RNF19A: variants seen among roughly 807,000 people sequenced by gnomAD.
The protein encoded by RNF19A is ring finger protein 19A, RBR E3 ubiquitin protein ligase, also known as E3 ubiquitin-protein ligase RNF19A.
A neutral mutation model predicts 75.7 loss-of-function variants in RNF19A; 32 were observed. The ratio of observed to expected loss-of-function variants is 0.42; its 90% CI spans 0.32 to 0.57. The LOEUF (loss-of-function observed/expected upper bound fraction) is 0.57. RNF19A is among the 20% of genes least tolerant of loss of function. The pLI is 0.10. For missense variants in RNF19A, 782 were observed against 1,036.3 expected (o/e 0.75, Z 3.37); for synonymous variants, 335 against 345.2 (o/e 0.97, Z 0.33).
intron 1 of RNF19A, among the ~76,000 whole-genome samples, chr8:100,299,732 C>T (rs536605861): frequency 1.3e-5 from 2 of 151,618 alleles, no homozygotes; most frequent in East Asian, 3.9e-4. Flanking sequence ...CACTCCAGCC[C>T]GGGTGACAAG....
chr8:100,258,056 GAA>G lies in RNF19A; in HGVS notation c.*498_*499del. ...TTTATATAACCACATTGCATATGAAGAAAAAAAATGAAATTTATGCCGATATA... is the reference window on the plus strand; with the variant it reads ...TTTATATAACCACATTGCATATGAAGAAAAAATGAAATTTATGCCGATATA... On this transcript the variant is annotated 3_prime_UTR_variant, in exon 10 of 10. Transcript: ENST00000341084. This position sits in a 1 kb window ranked among gnomAD's most constrained non-coding sequence, Gnocchi z 4.3. The G allele has an allele frequency of 5.0e-6, 2 of 398,276 alleles. No individual in the cohort carries two copies. The highest frequency in any genetic ancestry group is 1.3e-3 in the Middle Eastern group (2 of 1,584). 24.7% of individuals were successfully genotyped at this position (398,276 alleles called of 1,614,324 possible).
At chr8:100,321,652 T>C (rs1822467042) in intron 1 of RNF19A, among the ~76,000 whole-genome samples, 1 of 152,238 alleles carries the variant, frequency 6.6e-6, no homozygotes, top group Admixed American at 6.5e-5. Context: ...CCCAGATCCA[T>C]CAGAGGAATC....
chr8:100,297,358 A>C (rs1037640080), intron 1 of RNF19A, among the ~76,000 whole-genome samples: 3 of 152,326 alleles, frequency 2.0e-5, no homozygotes, highest in South Asian at 4.1e-4. Flanking sequence ...CCTTTTGTTC[A>C]GAAAGGACCT....
intron 2 of RNF19A, among the ~76,000 whole-genome samples, chr8:100,283,540 A>T (rs1820878542): frequency 6.6e-6 from 1 of 152,194 alleles, no homozygotes; most frequent in African/African-American, 2.4e-5. Context: ...CCGTCCTTCA[A>T]ACAAGTATGA....
rs1480445713 is a variant in RNF19A, at chr8:100,259,672, T to C, written c.1826+182A>G. On this transcript the variant is annotated intron_variant, in intron 9 of 9. Coordinates refer to ENST00000341084, the MANE Select transcript of RNF19A (RefSeq NM_183419.4). This position sits in a 1 kb window ranked among gnomAD's most constrained non-coding sequence, Gnocchi z 4.5. ...TTACCATTCTTCCCTTTCCCAGCCC[T>C]TGACAACCACAAATCCACTTTATGA... Among the ~76,000 whole-genome samples the C allele has an allele frequency of 6.6e-6, 1 of 152,216 alleles. No individual in the cohort carries two copies. The highest frequency in any genetic ancestry group is 1.9e-4 in the East Asian group (1 of 5,204).
chr8:100,274,453 A>G (rs188122666), intron 3 of RNF19A, among the ~76,000 whole-genome samples: 4 of 152,358 alleles, frequency 2.6e-5, no homozygotes, highest in South Asian at 4.1e-4. Flanking sequence ...TTATGTTACA[A>G]AAGTATTAAA....
intron 3 of RNF19A, among the ~76,000 whole-genome samples, chr8:100,273,835 G>A (rs1321541445): frequency 1.3e-5 from 2 of 151,814 alleles, no homozygotes; most frequent in Non-Finnish European, 2.9e-5. Flanking sequence ...CAGGCTGGAG[G>A]GCAGTGGCAC....
Position 100,278,664 on chromosome 8 carries a change from T to G in RNF19A, c.675-3503A>C, listed in dbSNP as rs920932461. Reference sequence around the variant, plus strand: ...ATATACAAGGCAGATTAATAGAAATTAGATTACATATAATTCTAACCTTTG... The same window carrying G: ...ATATACAAGGCAGATTAATAGAAATGAGATTACATATAATTCTAACCTTTG... On this transcript the variant is annotated intron_variant, in intron 2 of 9. Coordinates refer to ENST00000341084, the MANE Select transcript of RNF19A (RefSeq NM_183419.4). Among the ~76,000 whole-genome samples, 3 of 152,288 alleles carry G rather than the reference T, an allele frequency of 2.0e-5. No homozygotes were observed. The East Asian group carries it at 5.8e-4, about 29-fold the overall frequency.
intron 1 of RNF19A, among the ~76,000 whole-genome samples, chr8:100,335,645 C>G (rs1822669751): frequency 6.6e-6 from 1 of 152,202 alleles, no homozygotes; most frequent in Non-Finnish European, 1.5e-5. Context: ...TTCTTAAAGA[C>G]TTCATGTTAC....
intron 1 of RNF19A, among the ~76,000 whole-genome samples, chr8:100,299,180 G>A (rs930780045): frequency 3.9e-5 from 6 of 151,998 alleles, no homozygotes; most frequent in South Asian, 4.1e-4. Flanking sequence ...TTCCATATTC[G>A]AAAACTAAGG....
chr8:100,306,387 A>G (rs1822062080), intron 1 of RNF19A, among the ~76,000 whole-genome samples: 1 of 152,202 alleles, frequency 6.6e-6, no homozygotes, highest in Admixed American at 6.5e-5. Flanking sequence ...AAAACAAATT[A>G]ACAGTAATTC....
chr8:100,264,853 A>T lies in RNF19A; in HGVS notation c.1192-68T>A. ...ACATTACAATTTAACTTAGTTGAAA[A>T]AGATCTATACTTGCTAAAGTGATTT... On this transcript the variant is annotated intron_variant, in intron 5 of 9. Transcript: ENST00000341084. The surrounding 1 kb of genome is among the most constrained non-coding windows in gnomAD (Gnocchi z 4.7). The T allele has an allele frequency of 1.7e-6, 2 of 1,190,592 alleles. 1 individual carries two copies. Among genetic ancestry groups the T allele is most frequent in the South Asian group, 2.5e-5 (2 of 79,820 alleles). The allele number at this position is 1,190,592 out of a possible 1,614,324, so 73.8% of individuals were successfully genotyped here. A position where few individuals can be genotyped will look rare whatever the true frequency, so the allele number is the denominator to read the frequency against.
intron 1 of RNF19A, among the ~76,000 whole-genome samples, chr8:100,326,474 G>T (rs1822534927): frequency 6.6e-6 from 1 of 152,026 alleles, no homozygotes; most frequent in African/African-American, 2.4e-5. Context: ...CTGGGCAGAG[G>T]GTATTATACT....
intron 2 of RNF19A, among the ~76,000 whole-genome samples, chr8:100,282,796 GAATTCTAAAAATAC>G (rs1429209662): frequency 6.6e-6 from 1 of 152,120 alleles, no homozygotes; most frequent in Non-Finnish European, 1.5e-5. Flanking sequence ...ACATTAATTA[GAATTCTAAAAATAC>G]ATGTTATTTA....
chr8:100,310,656 T>C (rs1822270530), upstream of RNF19A, among the ~76,000 whole-genome samples: 1 of 152,232 alleles, frequency 6.6e-6, no homozygotes, highest in African/African-American at 2.4e-5. Flanking sequence ...AGCCGCCCTC[T>C]TAGTGCACCT....
intron 1 of RNF19A, among the ~76,000 whole-genome samples, chr8:100,319,570 T>C (rs1186528650): frequency 7.0e-6 from 1 of 142,486 alleles, no homozygotes; most frequent in Non-Finnish European, 1.5e-5. Flanking sequence ...CACTCTGTCA[T>C]CCAGGCTGGA....
Position 100,275,180 on chromosome 8 carries a change from A to G in RNF19A, c.675-19T>C. 1 of 1,601,228 alleles carries G rather than the reference A, an allele frequency of 6.2e-7. No homozygotes were observed. Among genetic ancestry groups the G allele is most frequent in the Non-Finnish European group, 8.6e-7 (1 of 1,168,882 alleles). The stretch of plus-strand genomic sequence containing the variant: ...AGCATATCTTGAAAGAACAAGAAAA[A>G]TGATTTAAAATGTGACATAAAACAA... On this transcript the variant is annotated intron_variant, in intron 2 of 9. Coordinates refer to ENST00000341084, the MANE Select transcript of RNF19A (RefSeq NM_183419.4). This position sits in a 1 kb window ranked among gnomAD's most constrained non-coding sequence, Gnocchi z 4.3.
At chr8:100,274,109 C>A (rs1045479279) in intron 3 of RNF19A, among the ~76,000 whole-genome samples, 2 of 152,020 alleles carry the variant, frequency 1.3e-5, no homozygotes, top group African/African-American at 4.8e-5. Context: ...AAAGATGAGA[C>A]AAGTAACTTG....
In RNF19A at chr8:100,264,439, G is replaced by A. The variant is rs1478825357; in HGVS notation, c.1306+232C>T. On this transcript the variant is annotated intron_variant, in intron 6 of 9. Transcript: ENST00000341084. This position sits in a 1 kb window ranked among gnomAD's most constrained non-coding sequence, Gnocchi z 4.7. Reference sequence around the variant, plus strand: ...GATGCAAACTTTTTTCTTTTGAAGTGCCAGGCCTCCGAACTGTACTTGGGG... The same window carrying A: ...GATGCAAACTTTTTTCTTTTGAAGTACCAGGCCTCCGAACTGTACTTGGGG... 5.2e-6 allele frequency: 3 copies of A among 573,214 alleles called. No individual in the cohort carries two copies. Among genetic ancestry groups the A allele is most frequent in the Non-Finnish European group, 9.1e-6 (3 of 328,006 alleles). 35.5% of individuals were successfully genotyped at this position (573,214 alleles called of 1,614,324 possible).
Sources: allele counts gnomAD v4.1 joint callset (sites outside exome capture counted in the v4.1 genomes callset), GRCh38; gene constraint gnomAD v4.1.1; non-coding constraint Gnocchi (gnomAD v3.1); transcripts MANE v1.5; gene names NCBI Gene and HGNC (gene_info 2026-07-23, HGNC 2026-07-21).